ZNF254: variants seen among roughly 807,000 people sequenced by gnomAD.
ZNF254 encodes the protein CTD-2017D11.1.
ZNF254 carries 10 observed loss-of-function variants against 12.4 expected under a neutral mutation model. The observed-to-expected ratio is 0.80, with a 90% CI of 0.50 to 1.36. The LOEUF is 1.36. ZNF254 is among the 40% of genes most tolerant of loss of function. The pLI is 0.00. For missense variants in ZNF254, 996 were observed against 763.9 expected, an observed-to-expected ratio of 1.30 and a Z score of -3.58; for synonymous variants, 305 against 253.4, an observed-to-expected ratio of 1.20 and a Z score of -1.93.
chr19:24,104,808 G>T (rs2145798728), intron 1 of ZNF254: 1 of 152,130 alleles, frequency 6.6e-6, no homozygotes, highest in South Asian at 2.1e-4. Context: ...GTAATGTTGA[G>T]GTTCTATCTG....
At chr19:24,119,655 G>GT (rs1248275896) in intron 3 of ZNF254, among the ~76,000 whole-genome samples, 2 of 152,098 alleles carry the variant, frequency 1.3e-5, no homozygotes. Flanking sequence ...TGTCCTCCCA[G>GT]TTTTTTTGTA....
intron 1 of ZNF254, among the ~76,000 whole-genome samples, chr19:24,100,682 CT>C (rs201165548): frequency 0.37 from 48,743 of 133,292 alleles, 7,995 homozygotes; most frequent in Middle Eastern, 0.48. Flanking sequence ...GTCTCTCTCT[CT>C]TTTTTTTTTT....
intron 1 of ZNF254, among the ~76,000 whole-genome samples, chr19:24,044,647 T>C (rs1053898589): frequency 5.4e-5 from 8 of 147,398 alleles, no homozygotes; most frequent in African/African-American, 2.0e-4. Context: ...GCTAGTTTTG[T>C]GGATCTTATA....
chr19:24,127,971 A>C lies in ZNF254; in HGVS notation c.1971A>C (p.Leu657Phe), dbSNP rs1412022870. 1 of 1,553,120 alleles carries C rather than the reference A, an allele frequency of 6.4e-7. No individual in the cohort carries two copies. Among genetic ancestry groups the C allele is most frequent in the South Asian group, 1.3e-5 (1 of 79,132 alleles). Reference sequence around the variant, plus strand: ...AGATAACTCATTGGAGAGAAATCTTACAAGTATGAATAATGTGCCAAAGCC... The same window carrying C: ...AGATAACTCATTGGAGAGAAATCTTCCAAGTATGAATAATGTGCCAAAGCC... ...TDKITHWREI[L>F]QV The change falls in exon 4 of 4, where the codon TTA becomes TTC. Residue 657 changes from leucine (L) to phenylalanine (F), a missense_variant. Leu to Phe is a conservative substitution (Grantham distance 22, BLOSUM62 0). Coordinates refer to ENST00000357002, the MANE Select transcript of ZNF254 (RefSeq NM_203282.4).
In ZNF254 at chr19:24,087,317, C is replaced by T. The variant is rs117766010; in HGVS notation, c.10C>T (p.Pro4Ser). 474 of 1,613,674 alleles carry T rather than the reference C, an allele frequency of 2.9e-4. 3 individuals carry two copies. The East Asian group carries it at 8.9e-3, about 30-fold the overall frequency. ...GAGATCCACAGCTAAGATGCCAGGACCCCCTAGAAGCCTAGAAATGGTGAG... is the reference window on the plus strand; with the variant it reads ...GAGATCCACAGCTAAGATGCCAGGATCCCCTAGAAGCCTAGAAATGGTGAG... MPGPPRSLEMGLLT... is the reference protein window; with the variant it reads MPGSPRSLEMGLLT... The change falls in exon 1 of 4, where the codon CCC becomes TCC. Residue 4 changes from proline (P) to serine (S), a missense_variant. Physicochemically the swap from Pro to Ser is moderately conservative, Grantham distance 74 (BLOSUM62 -1). Coordinates refer to ENST00000357002, the MANE Select transcript of ZNF254 (RefSeq NM_203282.4).
At chr19:24,090,629 G>C (rs189304324) in intron 1 of ZNF254, among the ~76,000 whole-genome samples, 2 of 152,130 alleles carry the variant, frequency 1.3e-5, no homozygotes, top group South Asian at 4.1e-4. Flanking sequence ...TAGAGACAGA[G>C]TTTCACCATG....
At chr19:24,126,227 A>C (rs767710236) in intron 3 of ZNF254, 27 bp from the exon 4 acceptor site, 1 of 1,375,584 alleles carries the variant, frequency 7.3e-7, no homozygotes, top group African/African-American at 1.5e-5. Flanking sequence ...AAGTGGAGTA[A>C]TTTATTTATT....
At chr19:24,036,240 T>C (rs961911938) in intron 1 of ZNF254, among the ~76,000 whole-genome samples, 4 of 152,056 alleles carry the variant, frequency 2.6e-5, no homozygotes, top group African/African-American at 9.7e-5. Context: ...ATTTTTTTTT[T>C]TTGTATTTTT....
At chr19:24,111,949 T>TAA (rs1973710978) in intron 3 of ZNF254, among the ~76,000 whole-genome samples, 2 of 152,150 alleles carry the variant, frequency 1.3e-5, no homozygotes, top group Non-Finnish European at 2.9e-5. Flanking sequence ...AGCTCTTTAG[T>TAA]TTAATTAGAT....
At chr19:24,063,700 C>T (rs1279236404) in intron 2 of ZNF254, 2 of 151,886 alleles carry the variant, frequency 1.3e-5, no homozygotes. Flanking sequence ...CAGCACGTAG[C>T]TGATGTGACA....
intron 2 of ZNF254, among the ~76,000 whole-genome samples, chr19:24,082,070 C>A (rs1971862365): frequency 6.6e-6 from 1 of 151,574 alleles, no homozygotes; most frequent in African/African-American, 2.4e-5. Flanking sequence ...TTGCAGTGAA[C>A]CAAGATTGTG....
At chr19:24,046,695 C>T (rs934656195) in intron 2 of ZNF254, among the ~76,000 whole-genome samples, 7 of 152,060 alleles carry the variant, frequency 4.6e-5, no homozygotes, top group Non-Finnish European at 8.8e-5. Flanking sequence ...ACAATTATTT[C>T]GCATATCTCA....
At chr19:24,058,556 C>T (rs544432799) in intron 2 of ZNF254, among the ~76,000 whole-genome samples, 10 of 152,044 alleles carry the variant, frequency 6.6e-5, no homozygotes, top group East Asian at 3.9e-4. Flanking sequence ...TACAGGCATG[C>T]GCCACCACGC....
intron 3 of ZNF254, chr19:24,107,184 C>A: frequency 3.2e-6 from 2 of 628,002 alleles, no homozygotes; most frequent in South Asian, 3.6e-5. Context: ...TTTGACTATT[C>A]AAAGTTTATT....
chr19:24,084,074 T>C (rs1971941819), upstream of ZNF254, among the ~76,000 whole-genome samples: 2 of 150,820 alleles, frequency 1.3e-5, no homozygotes, highest in Non-Finnish European at 1.5e-5. Flanking sequence ...TGCAAAAGAA[T>C]GGAAGCAGCC....
At chr19:24,087,168 G>T, upstream of ZNF254, 1 of 1,125,096 alleles carries the variant, frequency 8.9e-7, no homozygotes, top group Non-Finnish European at 1.3e-6. Flanking sequence ...GGACAAAGCG[G>T]CTTCCGGGAT....
At chr19:24,115,055 GA>G (rs1225153541) in intron 3 of ZNF254, among the ~76,000 whole-genome samples, 5 of 152,226 alleles carry the variant, frequency 3.3e-5, no homozygotes, top group African/African-American at 1.2e-4. Flanking sequence ...GGAGAAATAG[GA>G]ACACTTTTAC....
intron 1 of ZNF254, among the ~76,000 whole-genome samples, chr19:24,096,990 G>A (rs908107496): frequency 6.6e-6 from 1 of 152,052 alleles, no homozygotes; most frequent in African/African-American, 2.4e-5. Flanking sequence ...AAAATAAGAG[G>A]CTTGGTCCAC....
At chr19:24,074,551 G>A (rs899445562) in intron 2 of ZNF254, among the ~76,000 whole-genome samples, 9 of 152,072 alleles carry the variant, frequency 5.9e-5, no homozygotes, top group South Asian at 2.1e-4. Context: ...ATGAAAGAGC[G>A]TGACTTATCC....
Sources: gnomAD v4.1 joint callset for allele counts (sites outside exome capture counted in the v4.1 genomes callset) on GRCh38, gnomAD v4.1.1 for gene constraint, MANE v1.5 for transcripts, NCBI Gene and HGNC (gene_info 2026-07-23, HGNC 2026-07-21) for gene names.